Variants in LRMDA observed in about 807,000 individuals in gnomAD.
LRMDA encodes leucine-rich melanocyte differentiation-associated protein.
Under a neutral mutation model 29.8 loss-of-function variants are expected in LRMDA, and 18 were observed. That is an observed-to-expected ratio of 0.60 (90% confidence interval 0.42 to 0.90). The LOEUF is 0.90. Ranked by LOEUF, LRMDA falls within the 40% of genes least tolerant of loss-of-function variation. The probability of loss-of-function intolerance (pLI) is 0.00; values close to 1 mark genes in which losing one functional copy is unlikely to be tolerated. For synonymous variants in LRMDA, 125 were observed against 109.4 expected (o/e 1.14, Z -0.89); for missense variants, 273 against 273.9 (o/e 1.00, Z 0.02).
At chr10:75,437,731 A>G (rs1476535721) in intron 1 of LRMDA, among the ~76,000 whole-genome samples, 1 of 152,238 alleles carries the variant, frequency 6.6e-6, no homozygotes, top group Non-Finnish European at 1.5e-5. Context: ...TGCCCAAAGA[A>G]ACAGCTTTGT....
chr10:75,479,321 C>T (rs1370160319), intron 2 of LRMDA, among the ~76,000 whole-genome samples: 3 of 152,094 alleles, frequency 2.0e-5, no homozygotes, highest in Non-Finnish European at 4.4e-5. Context: ...TCCTACATAA[C>T]ACGGTGAAAC....
chr10:76,538,861 TTTGACAAA>T (rs1168611618), intron 6 of LRMDA, among the ~76,000 whole-genome samples: 3 of 152,166 alleles, frequency 2.0e-5, no homozygotes, highest in Non-Finnish European at 4.4e-5. Flanking sequence ...GTTATTTTTA[TTTGACAAA>T]CCATCTCCCT....
chr10:75,848,547 G>A (rs1205042671), intron 2 of LRMDA, among the ~76,000 whole-genome samples: 1 of 152,128 alleles, frequency 6.6e-6, no homozygotes, highest in Non-Finnish European at 1.5e-5. Flanking sequence ...TTGGGCACCC[G>A]GGACTAGTCT....
chr10:75,813,455 T>G (rs1843999536), intron 2 of LRMDA, among the ~76,000 whole-genome samples: 1 of 152,222 alleles, frequency 6.6e-6, no homozygotes, highest in Non-Finnish European at 1.5e-5. Context: ...CCAGCTGATT[T>G]CCATGCAAAC....
At chr10:75,728,227 C>T (rs973587956) in intron 2 of LRMDA, among the ~76,000 whole-genome samples, 1 of 152,130 alleles carries the variant, frequency 6.6e-6, no homozygotes, top group African/African-American at 2.4e-5. Context: ...CATAATCTTC[C>T]TCCTAAACAC....
intron 6 of LRMDA, among the ~76,000 whole-genome samples, chr10:76,414,402 G>T (rs1841993956): frequency 6.6e-6 from 1 of 152,136 alleles, no homozygotes; most frequent in Non-Finnish European, 1.5e-5. Flanking sequence ...TTCAAGGAAT[G>T]CCCATCCTTT....
chr10:75,755,164 A>G (rs11001493), intron 2 of LRMDA, among the ~76,000 whole-genome samples: 6,365 of 152,260 alleles, frequency 0.042, 341 homozygotes, highest in African/African-American at 0.13. Context: ...CAACACAGAC[A>G]CAGTCTTTCA....
chr10:76,484,959 A>C (rs1842767395), intron 6 of LRMDA, among the ~76,000 whole-genome samples: 1 of 151,810 alleles, frequency 6.6e-6, no homozygotes, highest in African/African-American at 2.4e-5. Context: ...TAAGGTATCT[A>C]GTACAGCTTT....
intron 1 of LRMDA, among the ~76,000 whole-genome samples, chr10:75,432,232 G>C (rs1844207853): frequency 6.6e-6 from 1 of 152,254 alleles, no homozygotes; most frequent in Non-Finnish European, 1.5e-5. Context: ...GAAGGCAAAA[G>C]TGTCTAGGGT....
chr10:75,520,703 C>G (rs770208950), intron 2 of LRMDA, among the ~76,000 whole-genome samples: 3 of 152,212 alleles, frequency 2.0e-5, no homozygotes, highest in Non-Finnish European at 4.4e-5. Context: ...AAGTCATTCT[C>G]CGTCCTGCTT....
chr10:75,924,549 T>C (rs1244592138), intron 2 of LRMDA, among the ~76,000 whole-genome samples: 2 of 152,008 alleles, frequency 1.3e-5, no homozygotes, highest in East Asian at 3.9e-4. Flanking sequence ...GAAGTGACAG[T>C]GGTCTGTCAG....
intron 2 of LRMDA, among the ~76,000 whole-genome samples, chr10:75,629,303 G>T (rs1415465093): frequency 6.6e-6 from 1 of 152,168 alleles, no homozygotes; most frequent in Non-Finnish European, 1.5e-5. Context: ...TAATATAAAT[G>T]ATGAATTGTA....
chr10:76,068,511 C>T (rs1315405268), intron 5 of LRMDA, among the ~76,000 whole-genome samples: 2 of 152,192 alleles, frequency 1.3e-5, no homozygotes, highest in Non-Finnish European at 2.9e-5. Context: ...CAACCTAGAT[C>T]CCTCACATGC....
intron 2 of LRMDA, among the ~76,000 whole-genome samples, chr10:75,871,200 C>T (rs1322772486): frequency 6.6e-6 from 1 of 152,190 alleles, no homozygotes; most frequent in Non-Finnish European, 1.5e-5. Context: ...ATTACATCTC[C>T]TTGGCTCACC....
chr10:75,618,382 C>CTCTCTCTA lies in LRMDA; in HGVS notation c.131+179889_131+179890insCTCTCTAT, dbSNP rs1338091170. Among the ~76,000 whole-genome samples, 186 of 77,018 alleles carry CTCTCTCTA rather than the reference C, an allele frequency of 2.4e-3. 1 individual carries two copies. Among genetic ancestry groups the CTCTCTCTA allele is most frequent in the African/African-American group, 7.0e-3 (168 of 24,048 alleles). The allele number at this position is 77,018 out of a possible 152,430, so 50.5% of individuals were successfully genotyped here. On this transcript the variant is annotated intron_variant, in intron 2 of 6. Coordinates refer to ENST00000611255, the MANE Select transcript of LRMDA (RefSeq NM_001305581.2). ...TCTCTCTCTCTCTCTCTCTCTCTCT[C>CTCTCTCTA]TATATATATATATATATATATATAT...
At chr10:76,432,530 G>A (rs1247597873) in intron 6 of LRMDA, among the ~76,000 whole-genome samples, 2 of 152,176 alleles carry the variant, frequency 1.3e-5, no homozygotes, top group African/African-American at 4.8e-5. Flanking sequence ...GGAACAAGTG[G>A]TGACCCATCA....
At chr10:75,709,611 A>C (rs1376734053) in intron 2 of LRMDA, among the ~76,000 whole-genome samples, 2 of 152,112 alleles carry the variant, frequency 1.3e-5, no homozygotes, top group Admixed American at 6.5e-5. Context: ...AAGTCATGAT[A>C]TTTGGGAAGC....
intron 5 of LRMDA, among the ~76,000 whole-genome samples, chr10:76,149,853 T>C (rs1376374405): frequency 6.6e-6 from 1 of 152,174 alleles, no homozygotes; most frequent in Non-Finnish European, 1.5e-5. Flanking sequence ...AGGGATTAAT[T>C]GATCAGATCC....
chr10:75,685,222 T>C (rs1842067009), intron 2 of LRMDA, among the ~76,000 whole-genome samples: 2 of 152,166 alleles, frequency 1.3e-5, no homozygotes, highest in Non-Finnish European at 2.9e-5. Context: ...CTTTCAGGCA[T>C]TTCAGCCAGA....
Sources: allele counts gnomAD v4.1 joint callset (sites outside exome capture counted in the v4.1 genomes callset), GRCh38; gene constraint gnomAD v4.1.1; transcripts MANE v1.5; gene names NCBI Gene and HGNC (gene_info 2026-07-23, HGNC 2026-07-21).